Variants in BCKDHB observed in about 807,000 individuals in gnomAD.
BCKDHB encodes the protein 2-oxoisovalerate dehydrogenase subunit beta, mitochondrial.
A neutral mutation model predicts 48.5 loss-of-function variants in BCKDHB; 41 were observed. The observed-to-expected ratio is 0.85, with a 90% CI of 0.66 to 1.10. The LOEUF (loss-of-function observed/expected upper bound fraction) is 1.10. Among genes scored for constraint, BCKDHB ranks in the 50% least tolerant of loss-of-function variants. The pLI is 0.00. For synonymous variants in BCKDHB, 201 were observed against 174.8 expected, an observed-to-expected ratio of 1.15 and a Z score of -1.18; for missense variants, 496 against 494.2, an observed-to-expected ratio of 1.00 and a Z score of -0.03.
the BCKDHB span, among the ~76,000 whole-genome samples, chr6:80,402,992 T>C: frequency 6.6e-6 from 1 of 151,836 alleles, no homozygotes; most frequent in South Asian, 2.1e-4. Flanking sequence ...TATCACACTG[T>C]TTTCATTATC....
the BCKDHB span, among the ~76,000 whole-genome samples, chr6:80,426,860 C>G: frequency 6.6e-6 from 1 of 152,050 alleles, no homozygotes. Flanking sequence ...TTGTCCACAT[C>G]TTGTATAACC....
At chr6:80,348,726 A>G (rs562876445), downstream of BCKDHB, among the ~76,000 whole-genome samples, 13 of 152,310 alleles carry the variant, frequency 8.5e-5, no homozygotes, top group South Asian at 2.1e-4. Context: ...TTTAGCAGAA[A>G]TCTTTGGCCT....
the BCKDHB span, among the ~76,000 whole-genome samples, chr6:80,354,243 T>TTTA: frequency 0.012 from 1,720 of 144,482 alleles, 12 homozygotes; most frequent in Middle Eastern, 0.024. Flanking sequence ...TTATTTATTT[T>TTTA]TTTATACAGA....
At chr6:80,327,275 A>C (rs1032534783) in intron 9 of BCKDHB, among the ~76,000 whole-genome samples, 3 of 152,228 alleles carry the variant, frequency 2.0e-5, no homozygotes. Context: ...ATCTAACACA[A>C]AGCCTATTTT....
chr6:80,166,516 T>C (rs1772576371), intron 3 of BCKDHB, among the ~76,000 whole-genome samples: 1 of 151,714 alleles, frequency 6.6e-6, no homozygotes, highest in African/African-American at 2.4e-5. Flanking sequence ...ATTAGCTGGG[T>C]GTAGTGGTGG....
intron 8 of BCKDHB, among the ~76,000 whole-genome samples, chr6:80,216,553 T>C (rs772658466): frequency 3.3e-5 from 5 of 152,222 alleles, no homozygotes; most frequent in Non-Finnish European, 7.3e-5. Flanking sequence ...TGTCCTCTTA[T>C]ACACTTAAAT....
At chr6:80,192,529 A>G (rs1773945371) in intron 6 of BCKDHB, among the ~76,000 whole-genome samples, 1 of 152,196 alleles carries the variant, frequency 6.6e-6, no homozygotes, top group African/African-American at 2.4e-5. Flanking sequence ...TGATAGGAGA[A>G]CTTTTGCTAC....
the BCKDHB span, among the ~76,000 whole-genome samples, chr6:80,376,253 T>G: frequency 6.6e-6 from 1 of 151,998 alleles, no homozygotes; most frequent in Non-Finnish European, 1.5e-5. Flanking sequence ...CATGGTTGCC[T>G]CTACTTCATC....
At chr6:80,403,283 A>G in the BCKDHB span, among the ~76,000 whole-genome samples, 7 of 151,752 alleles carry the variant, frequency 4.6e-5, no homozygotes, top group Admixed American at 1.3e-4. Flanking sequence ...TCAGTGCTTT[A>G]TAGTTTTTCA....
chr6:80,161,646 C>T (rs1314653701), intron 3 of BCKDHB, among the ~76,000 whole-genome samples: 2 of 152,200 alleles, frequency 1.3e-5, no homozygotes, highest in Non-Finnish European at 2.9e-5. Context: ...GCATTCCTGT[C>T]AGTGTCCACA....
the BCKDHB span, among the ~76,000 whole-genome samples, chr6:80,375,539 A>AT: frequency 6.7e-6 from 1 of 149,738 alleles, no homozygotes; most frequent in Non-Finnish European, 1.5e-5. Flanking sequence ...TTCACTGAAG[A>AT]TTTTTTCATT....
At chr6:80,399,058 C>G in the BCKDHB span, among the ~76,000 whole-genome samples, 5 of 152,222 alleles carry the variant, frequency 3.3e-5, no homozygotes, top group African/African-American at 1.2e-4. Flanking sequence ...TTCAACACCT[C>G]ATCCTGTTAA....
At chr6:80,431,624 C>T in the BCKDHB span, among the ~76,000 whole-genome samples, 1 of 152,170 alleles carries the variant, frequency 6.6e-6, no homozygotes, top group Non-Finnish European at 1.5e-5. Context: ...TCTGTTTCAT[C>T]AGAGATTAGG....
At chr6:80,390,051 C>A in the BCKDHB span, among the ~76,000 whole-genome samples, 1 of 152,148 alleles carries the variant, frequency 6.6e-6, no homozygotes, top group Admixed American at 6.6e-5. Flanking sequence ...AACCTGGACA[C>A]TTTGGGGTCC....
chr6:80,158,055 T>G (rs1772136842), intron 3 of BCKDHB, among the ~76,000 whole-genome samples: 1 of 152,194 alleles, frequency 6.6e-6, no homozygotes, highest in South Asian at 2.1e-4. Flanking sequence ...GAGGTTGTAG[T>G]AGGCACTATT....
At chr6:80,408,791 TC>T in the BCKDHB span, among the ~76,000 whole-genome samples, 2 of 68,582 alleles carry the variant, frequency 2.9e-5, no homozygotes, top group Non-Finnish European at 5.9e-5. Context: ...ATTTTGTTGA[TC>T]TTTTTTTTTT....
At chr6:80,159,183 C>G (rs959220891) in intron 3 of BCKDHB, among the ~76,000 whole-genome samples, 1 of 152,020 alleles carries the variant, frequency 6.6e-6, no homozygotes, top group East Asian at 1.9e-4. Flanking sequence ...GGAGAAATAC[C>G]TAATGTAAAT....
At chr6:80,353,677 A>G in the BCKDHB span, among the ~76,000 whole-genome samples, 1 of 152,012 alleles carries the variant, frequency 6.6e-6, no homozygotes, top group Non-Finnish European at 1.5e-5. Flanking sequence ...ACATGGTGAA[A>G]CCCCATCTCT....
chr6:80,352,356 T>A, the BCKDHB span, among the ~76,000 whole-genome samples: 31,166 of 151,962 alleles, frequency 0.21, 3,699 homozygotes, highest in South Asian at 0.37. Flanking sequence ...GGGTGAAACC[T>A]CTATATTGAG....
Sources: gnomAD v4.1 joint callset for allele counts (sites outside exome capture counted in the v4.1 genomes callset) on GRCh38, gnomAD v4.1.1 for gene constraint, MANE v1.5 for transcripts, NCBI Gene and HGNC (gene_info 2026-07-23, HGNC 2026-07-21) for gene names.